Variants in NEDD9 observed in about 807,000 individuals in gnomAD.
NEDD9 encodes enhancer of filamentation 1.
NEDD9 carries 26 observed loss-of-function variants against 76.6 expected under a neutral mutation model. The observed-to-expected ratio is 0.34, with a 90% confidence interval of 0.25 to 0.47. The LOEUF is 0.47. Among genes scored for constraint, NEDD9 ranks in the 20% least tolerant of loss-of-function variants. NEDD9 has a pLI of 1.00. For missense variants in NEDD9, 937 were observed against 1,058.5 expected (o/e 0.89, Z 1.59); for synonymous variants, 392 against 414.2 (o/e 0.95, Z 0.65).
intron 3 of NEDD9, among the ~76,000 whole-genome samples, chr6:11,272,262 C>A (rs184250566): frequency 6.6e-6 from 1 of 152,320 alleles, no homozygotes; most frequent in East Asian, 1.9e-4. Context: ...AATCTGTCTT[C>A]GTCTATCACA....
intron 4 of NEDD9, among the ~76,000 whole-genome samples, chr6:11,191,447 CTG>C (rs1758143039): frequency 6.6e-6 from 1 of 152,166 alleles, no homozygotes; most frequent in Non-Finnish European, 1.5e-5. Flanking sequence ...ATTGCTCACC[CTG>C]TGTTTCCAGT....
At chr6:11,215,037 T>C (rs1156492372) in intron 1 of NEDD9, among the ~76,000 whole-genome samples, 2 of 152,212 alleles carry the variant, frequency 1.3e-5, no homozygotes, top group African/African-American at 2.4e-5. Context: ...TGCAGCTGAC[T>C]TGCACTACTC....
At chr6:11,351,659 C>T (rs1412225446) in intron 1 of NEDD9, among the ~76,000 whole-genome samples, 1 of 152,194 alleles carries the variant, frequency 6.6e-6, no homozygotes, top group Non-Finnish European at 1.5e-5. Context: ...GGTGACATTC[C>T]CTCCAGGTTA....
At chr6:11,209,551 C>T (rs1050517725) in intron 2 of NEDD9, among the ~76,000 whole-genome samples, 3 of 152,134 alleles carry the variant, frequency 2.0e-5, no homozygotes, top group South Asian at 2.1e-4. Context: ...AGAAAGGAAA[C>T]GCAAGGTGAG....
chr6:11,192,562 T>C, intron 3 of NEDD9, 116 bp from the exon 4 acceptor site: 1 of 675,700 alleles, frequency 1.5e-6, no homozygotes, highest in Non-Finnish European at 2.5e-6. Flanking sequence ...AGCTTGATCT[T>C]TGGCAGTGCT....
chr6:11,207,051 A>G lies in NEDD9; in HGVS notation c.459+6230T>C, dbSNP rs1758638259. ...ATAGTTGTACTTTATTGATTTATAA[A>G]TGAGGAAACCGAAGTACCCTCTGCC... On this transcript the variant is annotated intron_variant, in intron 2 of 6. Transcript: ENST00000379446. Among the ~76,000 whole-genome samples the G allele has an allele frequency of 2.0e-5, 3 of 152,216 alleles. No homozygotes were observed. In the South Asian group the frequency reaches 6.2e-4, roughly 31 times the overall value.
At chr6:11,211,005 A>C (rs992706866) in intron 2 of NEDD9, among the ~76,000 whole-genome samples, 20 of 152,138 alleles carry the variant, frequency 1.3e-4, no homozygotes, top group African/African-American at 4.8e-4. Context: ...CCAGACCCTG[A>C]CTGTGTGATG....
chr6:11,266,094 T>C (rs144798817), intron 3 of NEDD9, among the ~76,000 whole-genome samples: 38 of 152,322 alleles, frequency 2.5e-4, no homozygotes, highest in Admixed American at 7.8e-4. Context: ...CAATGTATAT[T>C]ATTCAAGTGA....
intron 3 of NEDD9, among the ~76,000 whole-genome samples, chr6:11,285,970 A>G (rs1760639814): frequency 6.6e-6 from 1 of 152,228 alleles, no homozygotes; most frequent in Non-Finnish European, 1.5e-5. Flanking sequence ...AGCACAATCC[A>G]TAAAAGAAAA....
At chr6:11,364,727 C>T (rs904048539) in intron 1 of NEDD9, among the ~76,000 whole-genome samples, 5 of 152,154 alleles carry the variant, frequency 3.3e-5, no homozygotes, top group Admixed American at 2.0e-4. Context: ...GATGTAATCT[C>T]CCGTCCCTTC....
chr6:11,291,281 T>G (rs533068322), intron 3 of NEDD9, among the ~76,000 whole-genome samples: 89 of 142,892 alleles, frequency 6.2e-4, no homozygotes, highest in Middle Eastern at 3.4e-3. Flanking sequence ...TTTTTTTTTT[T>G]TTTTTTTTTT....
chr6:11,226,554 C>T (rs528904942), intron 1 of NEDD9, among the ~76,000 whole-genome samples: 3 of 152,332 alleles, frequency 2.0e-5, no homozygotes, highest in South Asian at 4.1e-4. Context: ...TTATGTCATT[C>T]TAATTGACTG....
chr6:11,349,030 C>T (rs1290274926), intron 1 of NEDD9, among the ~76,000 whole-genome samples: 2 of 152,194 alleles, frequency 1.3e-5, no homozygotes, highest in Admixed American at 6.5e-5. Context: ...ATGCATCTTA[C>T]ATCTGTCTAA....
At chr6:11,249,681 T>C (rs1039084449) in intron 3 of NEDD9, among the ~76,000 whole-genome samples, 1 of 152,188 alleles carries the variant, frequency 6.6e-6, no homozygotes, top group Non-Finnish European at 1.5e-5. Context: ...CACAAGTACC[T>C]ACTAGGTAAA....
chr6:11,257,357 G>A (rs1167311680), intron 3 of NEDD9, among the ~76,000 whole-genome samples: 1 of 152,216 alleles, frequency 6.6e-6, no homozygotes, highest in East Asian at 1.9e-4. Context: ...ATTGCCCCTA[G>A]TTGGGTGTCC....
intron 1 of NEDD9, 112 bp downstream of exon 1, chr6:11,232,391 AG>A: frequency 7.4e-7 from 1 of 1,355,436 alleles, no homozygotes; most frequent in Non-Finnish European, 1.0e-6. Context: ...GACTCATCTT[AG>A]AACTCTCCGG....
At position 11,193,641 on chromosome 6, in the gene NEDD9, T is replaced by C; in HGVS notation, c.511A>G (p.Arg171Gly). 6.2e-7 allele frequency: 1 copy of C among 1,614,036 alleles called. No individual in the cohort carries two copies. Among genetic ancestry groups the C allele is most frequent in the Non-Finnish European group, 8.5e-7 (1 of 1,179,916 alleles). ...GHGYVYEYPS[R>G]YQKDVYDIPP... ...ATATCATAGACGTCCTTTTGGTATCTGGATGGGTACTCGTATACGTAGCCA... is the reference window on the plus strand; with the variant it reads ...ATATCATAGACGTCCTTTTGGTATCCGGATGGGTACTCGTATACGTAGCCA... Residue 171 changes from arginine to glycine, a missense_variant, in exon 3 of 7, where the codon AGA (arginine) becomes GGA (glycine). Arg to Gly is a moderately radical substitution (Grantham distance 125). Coordinates refer to ENST00000379446, the MANE Select transcript of NEDD9 (RefSeq NM_006403.4).
chr6:11,337,327 CTAAAA>C (rs1266889251), intron 1 of NEDD9, among the ~76,000 whole-genome samples: 1 of 152,168 alleles, frequency 6.6e-6, no homozygotes, highest in African/African-American at 2.4e-5. Context: ...ATTGTACACT[CTAAAA>C]TAATGATTAA....
intron 2 of NEDD9, chr6:11,334,383 A>G (rs1762107491): frequency 6.6e-6 from 1 of 152,254 alleles, no homozygotes; most frequent in East Asian, 1.9e-4. Context: ...ACAAATAAAT[A>G]AGTTAAAATA....
Sources: gnomAD v4.1 joint callset for allele counts (sites outside exome capture counted in the v4.1 genomes callset) on GRCh38, gnomAD v4.1.1 for gene constraint, MANE v1.5 for transcripts, NCBI Gene and HGNC (gene_info 2026-07-23, HGNC 2026-07-21) for gene names.